The following TMEM50A variants were observed in gnomAD, a reference collection of about 807,000 sequenced individuals.
The protein encoded by TMEM50A is transmembrane protein 50A, also known as cervical cancer oncogene 9.
Under a neutral mutation model 23.9 loss-of-function variants are expected in TMEM50A, and 8 were observed. The observed-to-expected ratio is 0.33, with a 90% CI of 0.20 to 0.60. TMEM50A has a LOEUF of 0.60. Ranked by LOEUF, TMEM50A falls within the 20% of genes least tolerant of loss-of-function variation. The probability of loss-of-function intolerance (pLI) is 0.81; values close to 1 mark genes in which losing one functional copy is unlikely to be tolerated. For synonymous variants in TMEM50A, 55 were observed against 60.4 expected (o/e 0.91, Z 0.41); for missense variants, 178 against 192.7 (o/e 0.92, Z 0.45).
At position 25,356,755 on chromosome 1, in the gene TMEM50A, A is replaced by C. The variant is rs1645336873; in HGVS notation, c.368-38A>C. ...AATATATCTGAAACTAAATGTTTTGAGATCATAACCCTCTAAACACTGCAA... is the reference window on the plus strand; with the variant it reads ...AATATATCTGAAACTAAATGTTTTGCGATCATAACCCTCTAAACACTGCAA... On this transcript the variant is annotated intron_variant, in intron 5 of 6. Coordinates refer to ENST00000374358, the MANE Select transcript of TMEM50A (RefSeq NM_014313.4). The C allele has an allele frequency of 2.1e-6, 3 of 1,442,238 alleles. No homozygotes were observed. In the East Asian group the frequency reaches 7.1e-5, roughly 34 times the overall value. 89.3% of individuals were successfully genotyped at this position (1,442,238 alleles called of 1,614,324 possible).
At chr1:25,359,158 G>A (rs888828530) in intron 6 of TMEM50A, among the ~76,000 whole-genome samples, 2 of 152,204 alleles carry the variant, frequency 1.3e-5, no homozygotes, top group Admixed American at 1.3e-4. Flanking sequence ...GCCCCATAGA[G>A]CATGCAGGCA....
chr1:25,362,230 G>C lies in TMEM50A; in HGVS notation c.*1525G>C. 1.7e-6 allele frequency: 1 copy of C among 580,686 alleles called. No homozygotes were observed. The highest frequency in any genetic ancestry group is 3.0e-6 in the Non-Finnish European group (1 of 336,072). 36.0% of individuals were successfully genotyped at this position (580,686 alleles called of 1,614,324 possible). ...AGCATGCTTTATTAAGCATGAGAAAGAATCTTAAGAATTGTCAATAAAATT... is the reference window on the plus strand; with the variant it reads ...AGCATGCTTTATTAAGCATGAGAAACAATCTTAAGAATTGTCAATAAAATT... On this transcript the variant is annotated 3_prime_UTR_variant, in exon 7 of 7. Transcript: ENST00000374358.
intron 4 of TMEM50A, 77 bp from the exon 5 acceptor site, chr1:25,352,804 TG>T: frequency 1.5e-6 from 2 of 1,367,146 alleles, no homozygotes; most frequent in African/African-American, 1.5e-5. Context: ...TTTTTCTGTT[TG>T]GGTTTTATTT....
chr1:25,353,423 C>T (rs1396473791), intron 5 of TMEM50A, among the ~76,000 whole-genome samples: 1 of 152,162 alleles, frequency 6.6e-6, no homozygotes, highest in Non-Finnish European at 1.5e-5. Flanking sequence ...GCTAGGGCCA[C>T]AAGCACACAC....
At chr1:25,349,040 T>A (rs938266883) in intron 3 of TMEM50A, among the ~76,000 whole-genome samples, 10 of 151,806 alleles carry the variant, frequency 6.6e-5, no homozygotes, top group African/African-American at 2.2e-4. Flanking sequence ...CAGCGGAGCG[T>A]GGGATGGAAG....
chr1:25,362,016 C>A lies in TMEM50A; in HGVS notation c.*1311C>A, dbSNP rs3093644. Reference sequence around the variant, plus strand: ...TTTTTTAATCCTCAGGCAGTGCATCCCCCCACCCTACAACTGAGCACAACC... The same window carrying A: ...TTTTTTAATCCTCAGGCAGTGCATCACCCCACCCTACAACTGAGCACAACC... On this transcript the variant is annotated 3_prime_UTR_variant, in exon 7 of 7. Coordinates refer to ENST00000374358, the MANE Select transcript of TMEM50A (RefSeq NM_014313.4). 7.9e-3 allele frequency: 1,589 copies of A among 202,342 alleles called. 28 individuals carry two copies. The highest frequency in any genetic ancestry group is 0.035 in the African/African-American group (1,469 of 42,220). The allele number at this position is 202,342 out of a possible 1,614,324, so 12.5% of individuals were successfully genotyped here.
chr1:25,340,484 AAAAT>A lies in TMEM50A; in HGVS notation c.-2_2del, dbSNP rs1196318360. ...TTGTTTGTTTTTAAGTGACCTGAAA[AAAAT>A]GTCTGGATTTCTAGAGGGCTTGAGA... On this transcript the variant is annotated start_lost and 5_prime_UTR_variant, in exon 2 of 7. Transcript: ENST00000374358. 4 of 1,611,732 alleles carry A rather than the reference AAAAT, an allele frequency of 2.5e-6. No individual in the cohort carries two copies. The highest frequency in any genetic ancestry group is 3.4e-6 in the Non-Finnish European group (4 of 1,179,182).
At chr1:25,356,141 G>A (rs1467973027) in intron 5 of TMEM50A, among the ~76,000 whole-genome samples, 1 of 152,134 alleles carries the variant, frequency 6.6e-6, no homozygotes, top group African/African-American at 2.4e-5. Context: ...AGCAGCCAGA[G>A]GGATCCTCTT....
At chr1:25,349,763 T>C (rs1391129138) in intron 3 of TMEM50A, among the ~76,000 whole-genome samples, 1 of 152,170 alleles carries the variant, frequency 6.6e-6, no homozygotes, top group Non-Finnish European at 1.5e-5. Flanking sequence ...CCTAAACACA[T>C]TTATTGAGCA....
At chr1:25,341,360 G>A (rs1039263164) in intron 2 of TMEM50A, among the ~76,000 whole-genome samples, 1 of 152,004 alleles carries the variant, frequency 6.6e-6, no homozygotes, top group Admixed American at 6.5e-5. Context: ...CGGGGTTCAC[G>A]CCATTCTCCT....
intron 3 of TMEM50A, among the ~76,000 whole-genome samples, chr1:25,349,736 C>T (rs1030124229): frequency 6.6e-6 from 1 of 152,162 alleles, no homozygotes; most frequent in Non-Finnish European, 1.5e-5. Flanking sequence ...ATTACTGGCA[C>T]AAGCTACCAG....
intron 2 of TMEM50A, 166 bp from the exon 3 acceptor site, chr1:25,342,795 T>C: frequency 4.5e-6 from 2 of 439,706 alleles, no homozygotes; most frequent in Non-Finnish European, 8.1e-6. Flanking sequence ...GCTCTCAGAT[T>C]TAAGGGTACC....
At chr1:25,345,067 C>T (rs1645199615) in intron 3 of TMEM50A, among the ~76,000 whole-genome samples, 1 of 151,160 alleles carries the variant, frequency 6.6e-6, no homozygotes, top group Non-Finnish European at 1.5e-5. Context: ...CATGGGACTT[C>T]CCTCCCCTGT....
chr1:25,357,079 C>A (rs1229893487), intron 6 of TMEM50A, among the ~76,000 whole-genome samples: 1 of 152,104 alleles, frequency 6.6e-6, no homozygotes, highest in African/African-American at 2.4e-5. Context: ...ACCACGCCCC[C>A]TTTTAATGAG....
At chr1:25,343,223 CAGAAAAGCAG>C in intron 3 of TMEM50A, 150 bp downstream of exon 3, 1 of 585,398 alleles carries the variant, frequency 1.7e-6, no homozygotes, top group South Asian at 2.4e-5. Flanking sequence ...TGGACTTATA[CAGAAAAGCAG>C]CAGTCCTCTT....
At chr1:25,353,299 T>C (rs1645299805) in intron 5 of TMEM50A, among the ~76,000 whole-genome samples, 1 of 152,204 alleles carries the variant, frequency 6.6e-6, no homozygotes, top group South Asian at 2.1e-4. Flanking sequence ...TGTTTCTTTT[T>C]TAGAGACAAG....
Position 25,345,606 on chromosome 1 carries a change from C to T in TMEM50A, c.206+2533C>T, listed in dbSNP as rs1645206740. On this transcript the variant is annotated intron_variant, in intron 3 of 6. Transcript: ENST00000374358. The stretch of plus-strand genomic sequence containing the variant: ...AAAACTAAAAAATAAATTAGCCAGG[C>T]ACGGTGTTGCGTGCCTGTAGTCCCA... 2.1e-5 allele frequency among the ~76,000 whole-genome samples: 3 copies of T among 146,220 alleles called. No homozygotes were observed. In the South Asian group the frequency reaches 6.7e-4, roughly 32 times the overall value.
Position 25,362,341 on chromosome 1 carries a change from T to C in TMEM50A, c.*1636T>C, listed in dbSNP as rs1432309524. ...AAACTAAACATTTATTTTAAACTTA[T>C]TAAATTGACTCTTAAACTAAGTTTT... is the stretch of plus-strand genomic sequence containing the variant. On this transcript the variant is annotated 3_prime_UTR_variant, in exon 7 of 7. Coordinates refer to ENST00000374358, the MANE Select transcript of TMEM50A (RefSeq NM_014313.4). 1.5e-6 allele frequency: 2 copies of C among 1,325,186 alleles called. No individual in the cohort carries two copies. Among genetic ancestry groups the C allele is most frequent in the Non-Finnish European group, 2.1e-6 (2 of 958,382 alleles). The allele number at this position is 1,325,186 out of a possible 1,614,324, so 82.1% of individuals were successfully genotyped here.
At position 25,362,225 on chromosome 1, in the gene TMEM50A, A is replaced by C. The variant is rs1395852752; in HGVS notation, c.*1520A>C. 5.3e-6 allele frequency: 3 copies of C among 569,200 alleles called. No individual in the cohort carries two copies. Among genetic ancestry groups the C allele is most frequent in the Non-Finnish European group, 9.2e-6 (3 of 327,722 alleles). 35.3% of individuals were successfully genotyped at this position (569,200 alleles called of 1,614,324 possible). A position where few individuals can be genotyped will look rare whatever the true frequency, so the allele number is the denominator to read the frequency against. ...TGAGTAGCATGCTTTATTAAGCATG[A>C]GAAAGAATCTTAAGAATTGTCAATA... On this transcript the variant is annotated 3_prime_UTR_variant, in exon 7 of 7. Transcript: ENST00000374358.
Sources: gnomAD v4.1 joint callset for allele counts (sites outside exome capture counted in the v4.1 genomes callset) on GRCh38, gnomAD v4.1.1 for gene constraint, MANE v1.5 for transcripts, NCBI Gene and HGNC (gene_info 2026-07-23, HGNC 2026-07-21) for gene names.